GPHN: variants seen among roughly 807,000 people sequenced by gnomAD.
GPHN encodes gephyrin.
GPHN carries 17 observed loss-of-function variants against 95.5 expected under a neutral mutation model. That is an observed-to-expected ratio of 0.18 (90% CI 0.12 to 0.27). The LOEUF is 0.27. GPHN is among the 10% of genes least tolerant of loss of function. GPHN has a pLI of 1.00. For missense variants in GPHN, 660 were observed against 978.1 expected (o/e 0.67, Z 4.34); for synonymous variants, 320 against 322.5 (o/e 0.99, Z 0.08).
chr14:66,728,616 T>TG (rs1201469512), intron 2 of GPHN, among the ~76,000 whole-genome samples: 1 of 152,228 alleles, frequency 6.6e-6, no homozygotes, highest in African/African-American at 2.4e-5. Flanking sequence ...CTTTCAGACT[T>TG]GCGTGGGGGC....
chr14:66,670,271 T>A (rs7152172), intron 1 of GPHN, among the ~76,000 whole-genome samples: 78,345 of 151,978 alleles, frequency 0.52, 23,266 homozygotes, highest in African/African-American at 0.82. Flanking sequence ...TTGGTAGGAG[T>A]ATCTTTGTGG....
At chr14:67,065,461 G>T (rs763486228) in intron 11 of GPHN, among the ~76,000 whole-genome samples, 2 of 152,162 alleles carry the variant, frequency 1.3e-5, no homozygotes, top group Non-Finnish European at 2.9e-5. Flanking sequence ...GCTTGGTCCA[G>T]AGCTGAGTTT....
the GPHN span, among the ~76,000 whole-genome samples, chr14:67,486,479 T>C: frequency 6.6e-6 from 1 of 152,226 alleles, no homozygotes; most frequent in Non-Finnish European, 1.5e-5. Flanking sequence ...TTCACCATGT[T>C]GGCCAGGATG....
At chr14:67,360,399 T>C in the GPHN span, 1 of 395,390 alleles carries the variant, frequency 2.5e-6, no homozygotes, top group Non-Finnish European at 4.5e-6. Flanking sequence ...AAGTCTGGTC[T>C]CTGTGATTGA....
At chr14:67,195,713 T>TTG in the GPHN span, among the ~76,000 whole-genome samples, 9,031 of 143,110 alleles carry the variant, frequency 0.063, 267 homozygotes, top group African/African-American at 0.069. Context: ...TTCTTTTTGG[T>TTG]TGTGTGTGTG....
chr14:66,794,410 A>G (rs2060086472), intron 3 of GPHN, among the ~76,000 whole-genome samples: 1 of 152,186 alleles, frequency 6.6e-6, no homozygotes, highest in Non-Finnish European at 1.5e-5. Context: ...TGTTTCCTGT[A>G]CAGCCTGCAG....
chr14:66,534,988 T>C (rs7142097), intron 1 of GPHN, among the ~76,000 whole-genome samples: 49,865 of 151,978 alleles, frequency 0.33, 12,021 homozygotes, highest in African/African-American at 0.66. Flanking sequence ...TAATGAACCT[T>C]AACTTATCAA....
chr14:67,043,027 C>G (rs1284712174), intron 10 of GPHN, among the ~76,000 whole-genome samples: 2 of 152,162 alleles, frequency 1.3e-5, no homozygotes, highest in East Asian at 1.9e-4. Flanking sequence ...ATTTGGCTCT[C>G]TGTTTGTCTG....
chr14:67,015,657 A>C (rs922180132), intron 9 of GPHN, among the ~76,000 whole-genome samples: 3 of 152,052 alleles, frequency 2.0e-5, no homozygotes, highest in African/African-American at 7.2e-5. Context: ...AGATCATGCC[A>C]CTCCACTCGA....
At chr14:67,011,313 G>C (rs779685382) in intron 9 of GPHN, among the ~76,000 whole-genome samples, 3 of 151,556 alleles carry the variant, frequency 2.0e-5, no homozygotes, top group Non-Finnish European at 2.9e-5. Context: ...TGGCTTATGC[G>C]TGTAATCCCA....
At chr14:66,843,877 C>G (rs182525454) in intron 4 of GPHN, among the ~76,000 whole-genome samples, 153 of 152,046 alleles carry the variant, frequency 1.0e-3, no homozygotes, top group Non-Finnish European at 9.9e-4. Flanking sequence ...CCTTTCACAT[C>G]ATATATTATG....
chr14:66,700,784 G>A (rs754787539), intron 2 of GPHN, among the ~76,000 whole-genome samples: 3 of 152,066 alleles, frequency 2.0e-5, no homozygotes, highest in East Asian at 3.9e-4. Context: ...TTAGCTGGGC[G>A]TGGTGGCGTG....
chr14:66,716,562 T>TTTTTG (rs745584845), intron 2 of GPHN, among the ~76,000 whole-genome samples: 43 of 152,146 alleles, frequency 2.8e-4, no homozygotes, highest in Admixed American at 1.1e-3. Flanking sequence ...GTACCTTGGT[T>TTTTTG]TTTTGTTTTG....
At chr14:67,362,973 C>CA in the GPHN span, among the ~76,000 whole-genome samples, 2 of 152,256 alleles carry the variant, frequency 1.3e-5, no homozygotes, top group South Asian at 4.1e-4. Flanking sequence ...CTTCAGGATT[C>CA]TCTTACATGA....
At chr14:66,838,749 T>G (rs1421985526) in intron 4 of GPHN, among the ~76,000 whole-genome samples, 1 of 152,184 alleles carries the variant, frequency 6.6e-6, no homozygotes, top group Non-Finnish European at 1.5e-5. Context: ...TGGATTTCTC[T>G]CTCTGTGTAT....
chr14:66,928,929 G>A (rs117505113), intron 8 of GPHN, among the ~76,000 whole-genome samples: 17 of 151,920 alleles, frequency 1.1e-4, no homozygotes, highest in East Asian at 5.8e-4. Flanking sequence ...CTAACATATC[G>A]TCTGTCCTTG....
chr14:66,682,148 A>T (rs916911553), intron 2 of GPHN, among the ~76,000 whole-genome samples: 1 of 152,188 alleles, frequency 6.6e-6, no homozygotes, highest in Non-Finnish European at 1.5e-5. Flanking sequence ...ATTGAAGTTT[A>T]TATATGATGT....
At chr14:66,824,617 T>C (rs2061327405) in intron 4 of GPHN, 51 bp downstream of exon 4, 1 of 798,898 alleles carries the variant, frequency 1.3e-6, no homozygotes, top group Non-Finnish European at 2.2e-6. Context: ...AATCATGGTT[T>C]TTTTAATCCT....
rs1555406304 is a variant in GPHN at position 66,787,858 on chromosome 14, T to TTATA, written c.201+11346_201+11349dup. On this transcript the variant is annotated intron_variant, in intron 3 of 22. Coordinates refer to ENST00000478722, the MANE Select transcript of GPHN (RefSeq NM_020806.5). ...ATAGTAGGCTTTAATATAAAAAGTA[T>TTATA]TATATATATATACTGTAAAACTGTC... 3.0e-3 allele frequency among the ~76,000 whole-genome samples: 454 copies of TTATA among 150,612 alleles called. 8 individuals are homozygous for TTATA. Among genetic ancestry groups the TTATA allele is most frequent in the African/African-American group, 0.01 (430 of 41,168 alleles).
Sources: allele counts gnomAD v4.1 joint callset (sites outside exome capture counted in the v4.1 genomes callset), GRCh38; gene constraint gnomAD v4.1.1; transcripts MANE v1.5; gene names NCBI Gene and HGNC (gene_info 2026-07-23, HGNC 2026-07-21).